The following CWC22 variants were observed in gnomAD, a reference collection of about 807,000 sequenced individuals.
CWC22 encodes the protein CWC22 spliceosome associated protein, also known as pre-mRNA-splicing factor CWC22 homolog.
CWC22 carries 53 observed loss-of-function variants against 117.2 expected under a neutral mutation model. That is an observed-to-expected ratio of 0.45 (90% confidence interval 0.36 to 0.57). CWC22 has a LOEUF of 0.57. Ranked by LOEUF, CWC22 falls within the 20% of genes least tolerant of loss-of-function variation. CWC22 has a pLI of 0.00. For synonymous variants in CWC22, 360 were observed against 355.6 expected, an observed-to-expected ratio of 1.01 and a Z score of -0.14; for missense variants, 980 against 1,068.8, an observed-to-expected ratio of 0.92 and a Z score of 1.16.
In CWC22 at chr2:180,006,962, G is replaced by A. The variant is rs1687997448; in HGVS notation, c.-209C>T. On this transcript the variant is annotated 5_prime_UTR_variant, in exon 1 of 20. Transcript: ENST00000410053. ...CAATGCCGCTCACAGCCGTATCAGT[G>A]AGCCCGCACCCACTCCTGGGGGTCT... The A allele has an allele frequency of 6.6e-6, 1 of 152,216 alleles. No homozygotes were observed. The highest frequency in any genetic ancestry group is 1.5e-5 in the Non-Finnish European group (1 of 68,080). The allele number at this position is 152,216 out of a possible 1,614,324, so 9.4% of individuals were successfully genotyped here.
At chr2:179,995,116 TCAAA>T (rs1011832264) in intron 1 of CWC22, among the ~76,000 whole-genome samples, 30 of 152,236 alleles carry the variant, frequency 2.0e-4, no homozygotes, top group Admixed American at 7.8e-4. Flanking sequence ...AGACTTCGTC[TCAAA>T]CAAACAAACA....
At chr2:179,997,110 A>G (rs1442867822) in intron 1 of CWC22, among the ~76,000 whole-genome samples, 17 of 152,222 alleles carry the variant, frequency 1.1e-4, no homozygotes, top group Non-Finnish European at 2.9e-5. Flanking sequence ...TTTATCTAAA[A>G]TACATATGAC....
chr2:179,980,287 T>C (rs1354567468), intron 5 of CWC22, among the ~76,000 whole-genome samples: 1 of 152,198 alleles, frequency 6.6e-6, no homozygotes, highest in Non-Finnish European at 1.5e-5. Flanking sequence ...TGCCAAGCGC[T>C]AAAATATGAC....
intron 4 of CWC22, 58 bp from the exon 5 acceptor site, chr2:179,982,055 T>G (rs1026814379): frequency 4.0e-5 from 36 of 893,612 alleles, no homozygotes; most frequent in Admixed American, 1.4e-4. Flanking sequence ...CTCTTAGCAA[T>G]TAACTGCACA....
At chr2:179,948,044 T>G (rs748362511) in intron 19 of CWC22, among the ~76,000 whole-genome samples, 3 of 152,194 alleles carry the variant, frequency 2.0e-5, no homozygotes, top group Admixed American at 6.5e-5. Flanking sequence ...TCTTTTACTA[T>G]AGCATTTCCA....
chr2:179,970,900 T>G, intron 9 of CWC22, 41 bp downstream of exon 9: 1 of 1,607,858 alleles, frequency 6.2e-7, no homozygotes, highest in Non-Finnish European at 8.5e-7. Context: ...AAGCAATAAA[T>G]ATAATAAAAA....
intron 14 of CWC22, among the ~76,000 whole-genome samples, chr2:179,955,861 G>A (rs1196061893): frequency 6.6e-6 from 1 of 151,774 alleles, no homozygotes; most frequent in Non-Finnish European, 1.5e-5. Flanking sequence ...CAATGTCATA[G>A]ATGAAAAAAC....
intron 1 of CWC22, among the ~76,000 whole-genome samples, chr2:180,001,393 T>C (rs1033016730): frequency 6.6e-6 from 1 of 151,878 alleles, no homozygotes; most frequent in Non-Finnish European, 1.5e-5. Context: ...TGGCATGATC[T>C]CAGCTCATCA....
chr2:179,956,485 G>A (rs1246214341), intron 14 of CWC22, among the ~76,000 whole-genome samples: 3 of 151,350 alleles, frequency 2.0e-5, no homozygotes, highest in African/African-American at 2.4e-5. Flanking sequence ...GGACAGCACC[G>A]CTTTAGATAC....
Position 179,954,286 on chromosome 2 carries a change from G to C in CWC22, c.1608C>G (p.Ile536Met), listed in dbSNP as rs962788450. 6.2e-7 allele frequency: 1 copy of C among 1,609,788 alleles called. No homozygotes were observed. Among genetic ancestry groups the C allele is most frequent in the Non-Finnish European group, 8.5e-7 (1 of 1,176,684 alleles). Residue 536 changes from isoleucine (I) to methionine (M), a missense_variant, in exon 16 of 20, where the codon ATC becomes ATG. This residue lies in a region of CWC22 where 115 missense variants were observed against 169.8 expected (regional missense o/e 0.68). Transcript: ENST00000410053. ...GCAACTTGTTTGTTTCCAAGCGATG[G>C]ATGGTATCATACTGTTCTTTGAATA... is the stretch of plus-strand genomic sequence containing the variant. The part of the protein sequence containing the change: ...EGIFKEQYDT[I>M]HRLETNKLRN...
chr2:180,002,852 A>C (rs1687879188), intron 1 of CWC22, among the ~76,000 whole-genome samples: 1 of 152,222 alleles, frequency 6.6e-6, no homozygotes. Context: ...TGTACATGAA[A>C]AACTGAACAT....
rs1484392547 is a variant in CWC22 at position 179,970,401 on chromosome 2, C to T, written c.1210+100G>A. The T allele has an allele frequency of 3.4e-6, 4 of 1,170,716 alleles. No homozygotes were observed. In the African/African-American group the frequency reaches 6.2e-5, roughly 18 times the overall value. The allele number at this position is 1,170,716 out of a possible 1,614,324, so 72.5% of individuals were successfully genotyped here. A position where few individuals can be genotyped will look rare whatever the true frequency, so the allele number is the denominator to read the frequency against. On this transcript the variant is annotated intron_variant, in intron 11 of 19. Coordinates refer to ENST00000410053, the MANE Select transcript of CWC22 (RefSeq NM_020943.3). ...GAATAACTTTATAAGAGCAGCGATT[C>T]ATTAGGTGGGGATCTCTAAATATTT...
intron 1 of CWC22, among the ~76,000 whole-genome samples, chr2:180,000,372 G>C (rs1687816170): frequency 6.6e-6 from 1 of 152,208 alleles, no homozygotes; most frequent in South Asian, 2.1e-4. Context: ...CAACTCACTT[G>C]AGAGCAAAAC....
chr2:179,991,479 A>C (rs760878806), intron 2 of CWC22, among the ~76,000 whole-genome samples: 4 of 152,220 alleles, frequency 2.6e-5, no homozygotes, highest in Non-Finnish European at 5.9e-5. Context: ...GGTAGAGCCA[A>C]GCCACTAAGT....
At chr2:179,984,648 A>G (rs1463209690) in intron 4 of CWC22, among the ~76,000 whole-genome samples, 1 of 152,074 alleles carries the variant, frequency 6.6e-6, no homozygotes. Flanking sequence ...GTCAAGTTTT[A>G]GAAACTAGAT....
chr2:179,950,405 A>T (rs1162532072), intron 19 of CWC22, 107 bp downstream of exon 19: 5 of 704,268 alleles, frequency 7.1e-6, no homozygotes, highest in Non-Finnish European at 1.2e-5. Context: ...CTTTTAAACA[A>T]CTGATCTCTA....
intron 19 of CWC22, among the ~76,000 whole-genome samples, chr2:179,949,558 T>A (rs1171781646): frequency 6.6e-6 from 1 of 152,142 alleles, no homozygotes; most frequent in Non-Finnish European, 1.5e-5. Flanking sequence ...CTAATGAAAC[T>A]CTTATACATG....
At chr2:179,956,150 T>C (rs1412865501) in intron 14 of CWC22, among the ~76,000 whole-genome samples, 5 of 151,800 alleles carry the variant, frequency 3.3e-5, no homozygotes, top group African/African-American at 1.2e-4. Flanking sequence ...TTTAAAAAAT[T>C]ATATAATTAA....
At chr2:179,989,200 T>C (rs1048222549) in intron 2 of CWC22, among the ~76,000 whole-genome samples, 2 of 151,286 alleles carry the variant, frequency 1.3e-5, no homozygotes, top group South Asian at 2.1e-4. Flanking sequence ...TCTCAAATTT[T>C]TGATGACATC....
Sources: allele counts gnomAD v4.1 joint callset (sites outside exome capture counted in the v4.1 genomes callset), GRCh38; gene constraint gnomAD v4.1.1; regional missense constraint gnomAD v4.1.1; transcripts MANE v1.5; gene names NCBI Gene and HGNC (gene_info 2026-07-23, HGNC 2026-07-21).